Variants in CFAP221 observed in about 807,000 individuals in gnomAD.
The protein encoded by CFAP221 is cilia and flagella associated protein 221.
In CFAP221, 97 loss-of-function variants were observed where a neutral mutation model predicts 113.1. The observed-to-expected ratio is 0.86, with a 90% CI of 0.73 to 1.02. The LOEUF is 1.02. CFAP221 is among the 50% of genes least tolerant of loss of function. CFAP221 has a pLI of 0.00. For missense variants in CFAP221, 1,025 were observed against 1,013.4 expected, an observed-to-expected ratio of 1.01 and a Z score of -0.16; for synonymous variants, 331 against 354.4, an observed-to-expected ratio of 0.93 and a Z score of 0.74.
At chr2:119,601,551 G>A (rs2104663611) in intron 8 of CFAP221, 174 bp downstream of exon 8, 2 of 569,668 alleles carry the variant, frequency 3.5e-6, no homozygotes, top group East Asian at 3.2e-5. Context: ...ATATATCTAT[G>A]CTAGTAGCAA....
chr2:119,596,121 C>T lies in CFAP221; in HGVS notation c.632-5097C>T, dbSNP rs1683950488. Among the ~76,000 whole-genome samples the T allele has an allele frequency of 2.0e-5, 3 of 152,174 alleles. No individual in the cohort carries two copies. The South Asian group carries it at 6.2e-4, about 32-fold the overall frequency. ...AAGCAGAGGGTGACATGGCCTGATG[C>T]ATATTTTAAAAAGTCTCTTTGGCTC... On this transcript the variant is annotated intron_variant, in intron 7 of 23. Transcript: ENST00000413369.
At position 119,604,876 on chromosome 2, in the gene CFAP221, G is replaced by A. The variant is rs771543800; in HGVS notation, c.913G>A (p.Glu305Lys). ...TTTCCCTATTGATTTGGTCTCTTAG[G>A]AAATTGAGTACCAGAACCTCAGATT... The part of the protein sequence containing the change: ...PAKPKPQKVK[E>K]IEYQNLRFPV... Residue 305 changes from glutamate to lysine, a missense_variant and splice_region_variant, in exon 10 of 24, where the codon GAA becomes AAA. Coordinates refer to ENST00000413369, the MANE Select transcript of CFAP221 (RefSeq NM_001271049.2). 1 of 1,614,006 alleles carries A rather than the reference G, an allele frequency of 6.2e-7. No individual in the cohort carries two copies. The highest frequency in any genetic ancestry group is 1.1e-5 in the South Asian group (1 of 91,052).
intron 19 of CFAP221, among the ~76,000 whole-genome samples, chr2:119,632,399 A>G (rs950877949): frequency 1.3e-5 from 2 of 152,192 alleles, no homozygotes; most frequent in African/African-American, 4.8e-5. Flanking sequence ...CCAAAAAGGA[A>G]AAACATCTCA....
At chr2:119,556,220 C>T (rs1369155229) in intron 3 of CFAP221, 1 of 152,376 alleles carries the variant, frequency 6.6e-6, no homozygotes, top group Non-Finnish European at 1.5e-5. Context: ...CCTCCGCCTC[C>T]CAAGTAGCTG....
chr2:119,659,546 TG>T (rs1186041700), downstream of CFAP221, among the ~76,000 whole-genome samples: 1 of 152,300 alleles, frequency 6.6e-6, no homozygotes, highest in Non-Finnish European at 1.5e-5. Flanking sequence ...TGCTGCCCCA[TG>T]GGTACCCACC....
At chr2:119,632,371 T>C (rs1027794506) in intron 19 of CFAP221, among the ~76,000 whole-genome samples, 3 of 152,194 alleles carry the variant, frequency 2.0e-5, no homozygotes, top group African/African-American at 7.2e-5. Context: ...AAACTCACTG[T>C]AGTTTACATA....
chr2:119,561,183 G>C (rs1204715222), intron 5 of CFAP221, among the ~76,000 whole-genome samples: 4 of 152,026 alleles, frequency 2.6e-5, no homozygotes, highest in Admixed American at 2.6e-4. Context: ...CCAGCTACTC[G>C]GGAGGCTGAG....
Position 119,605,292 on chromosome 2 carries a change from A to AAATATTGAGCAATTGTTTGT in CFAP221, c.1133+5_1133+24dup, listed in dbSNP as rs1413160324. ...GAGATGGAAAATCATCTTAAGTGGTAAATATTGAGCAATTGTTTGTATCAA... is the reference window on the plus strand; with the variant it reads ...GAGATGGAAAATCATCTTAAGTGGTAAATATTGAGCAATTGTTTGTAATATTGAGCAATTGTTTGTATCAA... On this transcript the variant is annotated splice_donor_region_variant and intron_variant, in intron 11 of 23. Coordinates refer to ENST00000413369, the MANE Select transcript of CFAP221 (RefSeq NM_001271049.2). The AAATATTGAGCAATTGTTTGT allele has an allele frequency of 6.2e-7, 1 of 1,601,410 alleles. No individual in the cohort carries two copies. The highest frequency in any genetic ancestry group is 1.7e-5 in the Admixed American group (1 of 59,988).
chr2:119,621,696 C>A (rs752687338), intron 14 of CFAP221, among the ~76,000 whole-genome samples: 2 of 152,174 alleles, frequency 1.3e-5, no homozygotes, highest in Non-Finnish European at 2.9e-5. Context: ...GTCTCTCAGA[C>A]GACAGTGCAA....
chr2:119,557,662 C>G (rs945536381), intron 3 of CFAP221, among the ~76,000 whole-genome samples: 4 of 152,152 alleles, frequency 2.6e-5, no homozygotes, highest in African/African-American at 9.7e-5. Context: ...CTGATGGCTG[C>G]CTGTGGAGTG....
chr2:119,605,469 C>A (rs1462592407), intron 11 of CFAP221, among the ~76,000 whole-genome samples, 180 bp downstream of exon 11: 1 of 152,186 alleles, frequency 6.6e-6, no homozygotes, highest in African/African-American at 2.4e-5. Flanking sequence ...ATATATGTGA[C>A]CAAACCACAC....
chr2:119,571,069 C>A (rs1682005424), intron 6 of CFAP221, among the ~76,000 whole-genome samples: 1 of 151,348 alleles, frequency 6.6e-6, no homozygotes, highest in Admixed American at 6.6e-5. Flanking sequence ...AATCCCATCT[C>A]CACCAAAAAA....
intron 14 of CFAP221, among the ~76,000 whole-genome samples, chr2:119,620,920 TAA>T (rs1371933684): frequency 2.1e-5 from 3 of 140,256 alleles, no homozygotes; most frequent in African/African-American, 2.6e-5. Flanking sequence ...AATGGAAAGT[TAA>T]AAAAAAAAAA....
In CFAP221 at chr2:119,582,430, T is replaced by A. The variant is rs145618963; in HGVS notation, c.528-4689T>A. Among the ~76,000 whole-genome samples the A allele has an allele frequency of 4.5e-3, 685 of 151,544 alleles. 5 individuals carry two copies. Among genetic ancestry groups the A allele is most frequent in the African/African-American group, 0.016 (651 of 41,322 alleles). On this transcript the variant is annotated intron_variant, in intron 6 of 23. Transcript: ENST00000413369. ...AATACTAGGTATGTTTAGACTTTGT[T>A]GGGAATTTTCAATAAGTAAGACATA...
chr2:119,656,446 C>G lies in CFAP221; in HGVS notation c.2499C>G (p.Leu833=), dbSNP rs1688440339. 1.2e-6 allele frequency: 2 copies of G among 1,613,762 alleles called. No individual in the cohort carries two copies. The highest frequency in any genetic ancestry group is 1.3e-5 in the African/African-American group (1 of 75,000). Residue 833 remains leucine (L), a synonymous_variant, in exon 24 of 24, where the codon CTC becomes CTG. Transcript: ENST00000413369. ...EEMRNLRGKA[L]NTYLILE is the part of the protein sequence containing the mutation. ...TGAGGAACCTGCGGGGCAAAGCACTCAACACATACCTGATTCTAGAATGAA... is the reference window on the plus strand; with the variant it reads ...TGAGGAACCTGCGGGGCAAAGCACTGAACACATACCTGATTCTAGAATGAA...
chr2:119,600,765 T>C (rs1218239291), intron 7 of CFAP221, among the ~76,000 whole-genome samples: 2 of 152,290 alleles, frequency 1.3e-5, no homozygotes, highest in East Asian at 3.9e-4. Flanking sequence ...TGCCTCTTCT[T>C]CCACCTCTTC....
intron 20 of CFAP221, among the ~76,000 whole-genome samples, chr2:119,638,715 A>C (rs1181401447): frequency 6.6e-6 from 1 of 152,156 alleles, no homozygotes; most frequent in Admixed American, 6.5e-5. Context: ...AAACAGCCAC[A>C]CGGTATGCAC....
intron 3 of CFAP221, among the ~76,000 whole-genome samples, chr2:119,553,855 A>C (rs984614791): frequency 2.0e-5 from 3 of 152,192 alleles, no homozygotes; most frequent in African/African-American, 7.2e-5. Flanking sequence ...TGACATGCAG[A>C]AGGCACCCAA....
At chr2:119,623,431 GCCATACTGC>G (rs1488950306) in intron 14 of CFAP221, among the ~76,000 whole-genome samples, 1 of 152,096 alleles carries the variant, frequency 6.6e-6, no homozygotes, top group African/African-American at 2.4e-5. Context: ...TGTGAAAATG[GCCATACTGC>G]CCAAAGTAAT....
Sources: allele counts gnomAD v4.1 joint callset (sites outside exome capture counted in the v4.1 genomes callset), GRCh38; gene constraint gnomAD v4.1.1; transcripts MANE v1.5; gene names NCBI Gene and HGNC (gene_info 2026-07-23, HGNC 2026-07-21).